PPP6R3: variants seen among roughly 807,000 people sequenced by gnomAD.
PPP6R3 encodes the protein serine/threonine-protein phosphatase 6 regulatory subunit 3.
A neutral mutation model predicts 110.7 loss-of-function variants in PPP6R3; 38 were observed. That is an observed-to-expected ratio of 0.34 (90% CI 0.26 to 0.45). The LOEUF is 0.45. PPP6R3 is among the 20% of genes least tolerant of loss of function. The pLI, the probability that PPP6R3 is intolerant of heterozygous loss-of-function variation, is 1.00. For synonymous variants in PPP6R3, 369 were observed against 373.5 expected (o/e 0.99, Z 0.14); for missense variants, 870 against 1,062.4 (o/e 0.82, Z 2.52).
intron 1 of PPP6R3, chr11:68,488,960 A>G (rs1279714262): frequency 6.6e-6 from 1 of 151,328 alleles, no homozygotes; most frequent in East Asian, 1.9e-4. Context: ...TTGACCTTTA[A>G]TGTGATTATT....
chr11:68,477,742 ATATATATATAT>A (rs1376632755), intron 1 of PPP6R3, among the ~76,000 whole-genome samples: 7 of 49,610 alleles, frequency 1.4e-4, no homozygotes, highest in Non-Finnish European at 2.1e-4. Flanking sequence ...AAAAAAAAAA[ATATATATATAT>A]ATATATATAT....
intron 8 of PPP6R3, among the ~76,000 whole-genome samples, chr11:68,562,064 A>AC (rs2099426571): frequency 6.6e-6 from 1 of 151,806 alleles, no homozygotes; most frequent in Non-Finnish European, 1.5e-5. Context: ...AAAAAAAAAA[A>AC]CGCATACTCC....
chr11:68,600,423 G>C lies in PPP6R3; in HGVS notation c.2121G>C (p.Trp707Cys), dbSNP rs2099628257. 1 of 1,614,050 alleles carries C rather than the reference G, an allele frequency of 6.2e-7. No homozygotes were observed. Among genetic ancestry groups the C allele is most frequent in the African/African-American group, 1.3e-5 (1 of 74,916 alleles). The stretch of plus-strand genomic sequence containing the variant: ...TGGATTCTGTGGGATCTGATGTCTG[G>C]AGCACAGAGGAGCCGATGCCAACTA... Reference protein sequence around the residue: ...APLDSVGSDVWSTEEPMPTKE... With the variant: ...APLDSVGSDVCSTEEPMPTKE... The change falls in exon 20 of 24, where the codon TGG becomes TGC. Residue 707 changes from tryptophan to cysteine, a missense_variant. Trp to Cys is a radical substitution (Grantham distance 215). Transcript: ENST00000393800.
chr11:68,530,982 T>C (rs1383752655), intron 2 of PPP6R3, among the ~76,000 whole-genome samples: 1 of 152,178 alleles, frequency 6.6e-6, no homozygotes, highest in Non-Finnish European at 1.5e-5. Context: ...TCTAATAGTT[T>C]ATCTTTTGTC....
intron 19 of PPP6R3, among the ~76,000 whole-genome samples, chr11:68,598,908 ACACT>A (rs1265625269): frequency 6.6e-6 from 1 of 152,184 alleles, no homozygotes; most frequent in East Asian, 1.9e-4. Flanking sequence ...GAGCCCTGTG[ACACT>A]CACACAGGTA....
chr11:68,498,307 A>C (rs527948105), intron 1 of PPP6R3, among the ~76,000 whole-genome samples: 1 of 152,312 alleles, frequency 6.6e-6, no homozygotes, highest in African/African-American at 2.4e-5. Flanking sequence ...ACTATCAGTT[A>C]CCCAGCTCTA....
intron 13 of PPP6R3, among the ~76,000 whole-genome samples, chr11:68,574,802 CCTT>C (rs1217959147): frequency 6.6e-6 from 1 of 152,192 alleles, no homozygotes; most frequent in Non-Finnish European, 1.5e-5. Flanking sequence ...AAGCCATGAG[CCTT>C]CTTCTAAAAT....
intron 2 of PPP6R3, among the ~76,000 whole-genome samples, chr11:68,522,928 C>A (rs1008226967): frequency 1.3e-5 from 2 of 152,098 alleles, no homozygotes; most frequent in African/African-American, 4.8e-5. Context: ...ACAATTGTTC[C>A]ATCTTTCTTA....
At chr11:68,609,345 T>A (rs1293494541) in intron 22 of PPP6R3, 1 of 642,374 alleles carries the variant, frequency 1.6e-6, no homozygotes, top group Non-Finnish European at 2.8e-6. Flanking sequence ...TCCGATGCAG[T>A]CAACACGGTG....
At chr11:68,495,699 G>A (rs1462734057) in intron 1 of PPP6R3, among the ~76,000 whole-genome samples, 1 of 152,184 alleles carries the variant, frequency 6.6e-6, no homozygotes, top group Non-Finnish European at 1.5e-5. Flanking sequence ...TACTCATTAT[G>A]TGGGGAATAT....
intron 1 of PPP6R3, among the ~76,000 whole-genome samples, chr11:68,503,005 G>C (rs370369253): frequency 6.6e-6 from 1 of 152,176 alleles, no homozygotes; most frequent in Non-Finnish European, 1.5e-5. Flanking sequence ...GTGCAGTGGT[G>C]TGATACTGGC....
intron 1 of PPP6R3, among the ~76,000 whole-genome samples, chr11:68,468,964 A>T (rs2098769358): frequency 6.6e-6 from 1 of 152,226 alleles, no homozygotes; most frequent in East Asian, 1.9e-4. Context: ...ATAATCACAT[A>T]CGCCTTGAAG....
chr11:68,593,954 A>T (rs2099603426), intron 18 of PPP6R3, among the ~76,000 whole-genome samples: 1 of 152,194 alleles, frequency 6.6e-6, no homozygotes, highest in Non-Finnish European at 1.5e-5. Context: ...GCCAAGATAA[A>T]AAAACAAAAA....
chr11:68,478,426 G>A (rs2098853498), intron 1 of PPP6R3, among the ~76,000 whole-genome samples: 1 of 152,020 alleles, frequency 6.6e-6, no homozygotes, highest in Admixed American at 6.6e-5. Context: ...TCCCACTAAA[G>A]TATATATATA....
Position 68,603,478 on chromosome 11 carries a change from T to C in PPP6R3, c.2436T>C (p.Thr812=). 6.2e-7 allele frequency: 1 copy of C among 1,614,158 alleles called. No individual in the cohort carries two copies. Among genetic ancestry groups the C allele is most frequent in the Non-Finnish European group, 8.5e-7 (1 of 1,180,004 alleles). The change falls in exon 22 of 24, where the codon ACT becomes ACC. Residue 812 remains threonine (T), a synonymous_variant. Coordinates refer to ENST00000393800, the MANE Select transcript of PPP6R3 (RefSeq NM_001164161.2). The stretch of plus-strand genomic sequence containing the variant: ...TCACTGTAGATGCCAAGACAGAGAC[T>C]GCGGTCTTCAAAAGGTAACCAGGGG... ...LSLTVDAKTE[T]AVFKSEEGKL...
chr11:68,571,684 G>A (rs2099508141), intron 12 of PPP6R3, among the ~76,000 whole-genome samples: 1 of 152,182 alleles, frequency 6.6e-6, no homozygotes, highest in Non-Finnish European at 1.5e-5. Context: ...TGCCCTGGAA[G>A]CCTTTATGTC....
At chr11:68,594,153 T>C (rs1055315301) in intron 18 of PPP6R3, among the ~76,000 whole-genome samples, 6 of 152,080 alleles carry the variant, frequency 3.9e-5, no homozygotes, top group Non-Finnish European at 7.4e-5. Flanking sequence ...GAAAGTGATA[T>C]AATGATAAAG....
chr11:68,609,363 G>A, intron 22 of PPP6R3: 1 of 670,194 alleles, frequency 1.5e-6, no homozygotes, highest in South Asian at 1.6e-5. Context: ...GTGACCTCAT[G>A]TGACTGAGGC....
At chr11:68,585,179 TC>T (rs1018410542) in intron 15 of PPP6R3, among the ~76,000 whole-genome samples, 3 of 152,156 alleles carry the variant, frequency 2.0e-5, no homozygotes, top group African/African-American at 7.2e-5. Context: ...CCTTGTCTGG[TC>T]TCCTAAAGTC....
Sources: gnomAD v4.1 joint callset for allele counts (sites outside exome capture counted in the v4.1 genomes callset) on GRCh38, gnomAD v4.1.1 for gene constraint, MANE v1.5 for transcripts, NCBI Gene and HGNC (gene_info 2026-07-23, HGNC 2026-07-21) for gene names.